Variants in SMC1B observed in about 807,000 individuals in gnomAD.
The protein encoded by SMC1B is structural maintenance of chromosomes 1B.
A neutral mutation model predicts 157.9 loss-of-function variants in SMC1B; 60 were observed. The ratio of observed to expected loss-of-function variants is 0.38; its 90% CI spans 0.31 to 0.47. The LOEUF (loss-of-function observed/expected upper bound fraction) is 0.47. Ranked by LOEUF, SMC1B falls within the 20% of genes least tolerant of loss-of-function variation. SMC1B has a pLI of 0.99. For missense variants in SMC1B, 1,165 were observed against 1,426.2 expected (o/e 0.82, Z 2.95); for synonymous variants, 445 against 483.0 (o/e 0.92, Z 1.03).
At chr22:45,375,355 C>T (rs2086874481) in intron 12 of SMC1B, among the ~76,000 whole-genome samples, 1 of 152,166 alleles carries the variant, frequency 6.6e-6, no homozygotes, top group Non-Finnish European at 1.5e-5. Context: ...ATGTATAAAA[C>T]CAAACTGTGC....
At chr22:45,407,011 C>G (rs2087269722) in intron 2 of SMC1B, 146 bp from the exon 3 acceptor site, 2 of 582,282 alleles carry the variant, frequency 3.4e-6, no homozygotes, top group Non-Finnish European at 5.7e-6. Flanking sequence ...TTTAATGAGT[C>G]AACAAATATT....
intron 9 of SMC1B, among the ~76,000 whole-genome samples, chr22:45,391,858 A>G (rs1299867449): frequency 6.6e-6 from 1 of 152,214 alleles, no homozygotes; most frequent in Non-Finnish European, 1.5e-5. Context: ...GAGGGCTTCA[A>G]AATGGCCTCT....
chr22:45,357,737 T>C (rs946680464), intron 19 of SMC1B, among the ~76,000 whole-genome samples: 1 of 152,244 alleles, frequency 6.6e-6, no homozygotes, highest in African/African-American at 2.4e-5. Context: ...AGCTATTTTG[T>C]GATAACATGA....
chr22:45,412,169 G>A (rs995327501), intron 1 of SMC1B, among the ~76,000 whole-genome samples: 12 of 144,624 alleles, frequency 8.3e-5, no homozygotes, highest in African/African-American at 2.8e-4. Context: ...CATGAGCCAC[G>A]GCGCCCGGCC....
At chr22:45,367,136 G>C (rs2086784136) in intron 15 of SMC1B, among the ~76,000 whole-genome samples, 3 of 152,140 alleles carry the variant, frequency 2.0e-5, no homozygotes, top group Admixed American at 2.0e-4. Context: ...TGCTTTGTCT[G>C]TTTTGGGAGG....
In SMC1B at chr22:45,399,082, T is replaced by C; in HGVS notation, c.1113+13A>G. The C allele has an allele frequency of 6.2e-7, 1 of 1,602,592 alleles. No individual in the cohort carries two copies. The highest frequency in any genetic ancestry group is 2.2e-5 in the East Asian group (1 of 44,820). On this transcript the variant is annotated intron_variant, in intron 6 of 24. Coordinates refer to ENST00000357450, the MANE Select transcript of SMC1B (RefSeq NM_148674.5). ...TAGAAACACAAGATTTCCCCTAAGT[T>C]GTCCTTTTTTACCTGACTGGCTTCC...
At position 45,352,684 on chromosome 22, in the gene SMC1B, A is replaced by G. The variant is rs192988862; in HGVS notation, c.3274-82T>C. 2.0e-4 allele frequency: 271 copies of G among 1,350,996 alleles called. 2 individuals carry two copies. The East Asian group carries it at 2.8e-3, about 14-fold the overall frequency. The allele number at this position is 1,350,996 out of a possible 1,614,324, so 83.7% of individuals were successfully genotyped here. ...TTGGAGTTTAACTGCAAAATATTCTATTGGTTAGCTTTTCTTCAATTTTGA... is the reference window on the plus strand; with the variant it reads ...TTGGAGTTTAACTGCAAAATATTCTGTTGGTTAGCTTTTCTTCAATTTTGA... On this transcript the variant is annotated intron_variant, in intron 21 of 24. Transcript: ENST00000357450.
Position 45,361,821 on chromosome 22 carries a change from T to C in SMC1B, c.2708+18A>G. On this transcript the variant is annotated intron_variant, in intron 17 of 24. Transcript: ENST00000357450. ...AAAACTCTGACTAGGTCTTTCAAAC[T>C]GATGAAGTCTTAATTACCTATCAAC... is the stretch of plus-strand genomic sequence containing the variant. The C allele has an allele frequency of 6.2e-7, 1 of 1,609,788 alleles. No homozygotes were observed. Among genetic ancestry groups the C allele is most frequent in the Non-Finnish European group, 8.5e-7 (1 of 1,178,302 alleles).
intron 1 of SMC1B, among the ~76,000 whole-genome samples, chr22:45,410,159 C>T (rs1451832130): frequency 6.6e-6 from 1 of 152,134 alleles, no homozygotes; most frequent in Non-Finnish European, 1.5e-5. Flanking sequence ...GCTGAGTTCG[C>T]TTTGTATTTT....
In SMC1B at chr22:45,399,307, C is replaced by T. The variant is rs2087164943; in HGVS notation, c.901G>A (p.Ala301Thr). The stretch of plus-strand genomic sequence containing the variant: ...AGGTGGTGAGAAGTGTTTTCTTTGG[C>T]TTTAATGTACTGAGGCCTCTTCTGA... ...LNQKRPQYIK[A>T]KENTSHHLKK... Residue 301 changes from alanine to threonine, a missense_variant, in exon 6 of 25, where the codon GCC becomes ACC. Coordinates refer to ENST00000357450, the MANE Select transcript of SMC1B (RefSeq NM_148674.5). 3 of 1,613,830 alleles carry T rather than the reference C, an allele frequency of 1.9e-6. No individual in the cohort carries two copies. Among genetic ancestry groups the T allele is most frequent in the African/African-American group, 1.3e-5 (1 of 74,920 alleles).
chr22:45,347,599 AATTTATTTC>A (rs2086565397), intron 23 of SMC1B, among the ~76,000 whole-genome samples: 1 of 152,034 alleles, frequency 6.6e-6, no homozygotes, highest in African/African-American at 2.4e-5. Flanking sequence ...CCAGAATGCC[AATTTATTTC>A]TTTTTTTCTT....
chr22:45,357,248 CAT>C (rs1177625704), intron 19 of SMC1B, among the ~76,000 whole-genome samples: 7 of 152,232 alleles, frequency 4.6e-5, no homozygotes, highest in African/African-American at 7.2e-5. Flanking sequence ...TAGCTGCACT[CAT>C]GTGGCATTCA....
intron 15 of SMC1B, among the ~76,000 whole-genome samples, chr22:45,366,755 T>C (rs543433853): frequency 6.6e-6 from 1 of 152,346 alleles, no homozygotes; most frequent in South Asian, 2.1e-4. Context: ...ATTACATGCA[T>C]AAGCCGCTGC....
At chr22:45,374,785 G>A (rs1018810374) in intron 12 of SMC1B, among the ~76,000 whole-genome samples, 2 of 152,138 alleles carry the variant, frequency 1.3e-5, no homozygotes, top group African/African-American at 4.8e-5. Flanking sequence ...GGACTTCAGA[G>A]TAATGTGGCC....
chr22:45,359,355 T>C (rs1333286540), intron 18 of SMC1B, among the ~76,000 whole-genome samples: 1 of 152,204 alleles, frequency 6.6e-6, no homozygotes, highest in African/African-American at 2.4e-5. Context: ...GCCTTGGTTT[T>C]ATCCTGTGAT....
chr22:45,406,664 CT>C lies in SMC1B; in HGVS notation c.412-2del. The C allele has an allele frequency of 6.2e-7, 1 of 1,605,600 alleles. No individual in the cohort carries two copies. The highest frequency in any genetic ancestry group is 1.1e-5 in the South Asian group (1 of 88,740). On this transcript the variant is annotated splice_acceptor_variant, in intron 3 of 24. Coordinates refer to ENST00000357450, the MANE Select transcript of SMC1B (RefSeq NM_148674.5). LOFTEE classifies it high-confidence loss of function. ...TCACTGAAATTGACTCTACAGTTCC[CT>C]TTTAAAAACAGTAATGCACATCAAC...
In SMC1B at chr22:45,408,738, T is replaced by C. The variant is rs746289117; in HGVS notation, c.270A>G (p.Glu90=). The C allele has an allele frequency of 8.8e-6, 14 of 1,597,188 alleles. No homozygotes were observed. The Admixed American group carries it at 1.1e-4, about 12-fold the overall frequency. ...GGATAATCCTTGCAAATGTTTTCTCTTCGCCACTTTCCTCCACATATATAA... is the reference window on the plus strand; with the variant it reads ...GGATAATCCTTGCAAATGTTTTCTCCTCGCCACTTTCCTCCACATATATAA... ...VKIIYVEESG[E]EKTFARIIRG... is the part of the protein sequence containing the mutation. The change falls in exon 2 of 25, where the codon GAA becomes GAG. Residue 90 remains glutamate, a synonymous_variant. Coordinates refer to ENST00000357450, the MANE Select transcript of SMC1B (RefSeq NM_148674.5).
At chr22:45,361,461 C>A (rs968053111) in intron 17 of SMC1B, among the ~76,000 whole-genome samples, 1 of 151,054 alleles carries the variant, frequency 6.6e-6, no homozygotes. Context: ...AAAAGAGAAA[C>A]ACACACACAC....
chr22:45,412,392 G>C, intron 1 of SMC1B, among the ~76,000 whole-genome samples: 1 of 147,090 alleles, frequency 6.8e-6, no homozygotes. Context: ...GTAGAGACAG[G>C]GCTTCACCAT....
Sources: allele counts gnomAD v4.1 joint callset (sites outside exome capture counted in the v4.1 genomes callset), GRCh38; gene constraint gnomAD v4.1.1; transcripts MANE v1.5; gene names NCBI Gene and HGNC (gene_info 2026-07-23, HGNC 2026-07-21).